CACNA1E: variants seen among roughly 807,000 people sequenced by gnomAD.
The protein encoded by CACNA1E is calcium voltage-gated channel subunit alpha1 E.
Under a neutral mutation model 259.2 loss-of-function variants are expected in CACNA1E, and 40 were observed. That is an observed-to-expected ratio of 0.15 (90% CI 0.12 to 0.20). The LOEUF is 0.20. Among genes scored for constraint, CACNA1E ranks in the 10% least tolerant of loss-of-function variants. The pLI is 1.00. For missense variants in CACNA1E, 1,874 were observed against 3,040.1 expected (o/e 0.62, Z 9.02); for synonymous variants, 1,104 against 1,138.5 (o/e 0.97, Z 0.61).
At chr1:181,357,957 T>C (rs1367371685) in intron 1 of CACNA1E, among the ~76,000 whole-genome samples, 1 of 152,186 alleles carries the variant, frequency 6.6e-6, no homozygotes, top group Non-Finnish European at 1.5e-5. Context: ...GAGCCTTTCA[T>C]GACATTTGCC....
chr1:181,344,138 C>T (rs1652405118), intron 1 of CACNA1E, among the ~76,000 whole-genome samples: 1 of 152,184 alleles, frequency 6.6e-6, no homozygotes, highest in South Asian at 2.1e-4. Flanking sequence ...CCCCACTGCT[C>T]TGGAAGAATC....
intron 3 of CACNA1E, among the ~76,000 whole-genome samples, chr1:181,522,140 G>A (rs1487874703): frequency 6.6e-6 from 1 of 152,164 alleles, no homozygotes; most frequent in Non-Finnish European, 1.5e-5. Flanking sequence ...AGGGAAATAG[G>A]ATTAAAGTCC....
intron 1 of CACNA1E, among the ~76,000 whole-genome samples, chr1:181,353,523 T>C (rs1036294032): frequency 6.6e-6 from 1 of 151,866 alleles, no homozygotes; most frequent in African/African-American, 2.4e-5. Context: ...GACAAGCTCT[T>C]GAGAGAGAGA....
At chr1:181,559,151 G>C (rs1040368115) in intron 3 of CACNA1E, among the ~76,000 whole-genome samples, 2 of 152,202 alleles carry the variant, frequency 1.3e-5, no homozygotes, top group Non-Finnish European at 2.9e-5. Context: ...GCCTGGGAGA[G>C]GTTTGTTCCT....
intron 1 of CACNA1E, among the ~76,000 whole-genome samples, chr1:181,324,144 G>C (rs1650587565): frequency 6.6e-6 from 1 of 152,200 alleles, no homozygotes; most frequent in South Asian, 2.1e-4. Flanking sequence ...GCCAGGCACT[G>C]ACTAGGATAC....
At chr1:181,615,303 T>C (rs566582679) in intron 6 of CACNA1E, among the ~76,000 whole-genome samples, 2 of 152,256 alleles carry the variant, frequency 1.3e-5, no homozygotes, top group South Asian at 4.1e-4. Flanking sequence ...CAATTCTCTG[T>C]CTCAGCCTCT....
chr1:181,798,792 C>T lies in CACNA1E; in HGVS notation c.6900C>T (p.Val2300=), dbSNP rs1348704758. 2 of 1,552,606 alleles carry T rather than the reference C, an allele frequency of 1.3e-6. No homozygotes were observed. The highest frequency in any genetic ancestry group is 1.7e-6 in the Non-Finnish European group (2 of 1,149,098). ...GPGPGMMCGA[V]NNLLSDTEED... ...GGCCAGGCATGATGTGTGGGGCTGT[C>T]AACAACCTGCTAAGTGACACGGAAG... is the stretch of plus-strand genomic sequence containing the variant. The change falls in exon 48 of 48, where the codon GTC becomes GTT. Residue 2300 remains valine, a synonymous_variant. Coordinates refer to ENST00000367573, the MANE Select transcript of CACNA1E (RefSeq NM_001205293.3). This position sits in a 1 kb window ranked among gnomAD's most constrained non-coding sequence, Gnocchi z 4.2.
At chr1:181,439,827 T>C (rs1275285824) in intron 2 of CACNA1E, among the ~76,000 whole-genome samples, 1 of 152,146 alleles carries the variant, frequency 6.6e-6, no homozygotes, top group Non-Finnish European at 1.5e-5. Flanking sequence ...GGCAGCATCT[T>C]TTCTACTTAA....
intron 6 of CACNA1E, among the ~76,000 whole-genome samples, chr1:181,583,774 G>A (rs1184743351): frequency 6.6e-6 from 1 of 152,044 alleles, no homozygotes; most frequent in African/African-American, 2.4e-5. Flanking sequence ...CTATCCAAAT[G>A]TCAACTGCTT....
Position 181,772,297 on chromosome 1 carries a change from C to A in CACNA1E, c.5139+66C>A, listed in dbSNP as rs73045154. 17,147 of 1,493,434 alleles carry A rather than the reference C, an allele frequency of 0.011. 324 individuals are homozygous for A. Among genetic ancestry groups the A allele is most frequent in the African/African-American group, 0.083 (6,010 of 72,488 alleles). 92.5% of individuals were successfully genotyped at this position (1,493,434 alleles called of 1,614,324 possible). The stretch of plus-strand genomic sequence containing the variant: ...CCATCCTACCCCTAACCCTCTGATA[C>A]ATAGACCGGAGATGTTTGCTTCAGT... On this transcript the variant is annotated intron_variant, in intron 37 of 47. Coordinates refer to ENST00000367573, the MANE Select transcript of CACNA1E (RefSeq NM_001205293.3).
chr1:181,679,500 G>T (rs1649714296), intron 7 of CACNA1E, among the ~76,000 whole-genome samples: 1 of 152,202 alleles, frequency 6.6e-6, no homozygotes, highest in African/African-American at 2.4e-5. Context: ...GGCAGATAAG[G>T]ACATAATGCC....
chr1:181,416,315 C>T (rs1330347174), intron 2 of CACNA1E, among the ~76,000 whole-genome samples: 1 of 152,214 alleles, frequency 6.6e-6, no homozygotes, highest in African/African-American at 2.4e-5. Context: ...GGAATTTCAG[C>T]ATTTCTGCAA....
At chr1:181,335,159 A>C (rs916888399) in intron 1 of CACNA1E, among the ~76,000 whole-genome samples, 1 of 152,140 alleles carries the variant, frequency 6.6e-6, no homozygotes, top group Non-Finnish European at 1.5e-5. Flanking sequence ...TGCTATTCCT[A>C]CCAACCCTGC....
At chr1:181,731,661 C>A (rs1655492311) in intron 19 of CACNA1E, among the ~76,000 whole-genome samples, 1 of 152,118 alleles carries the variant, frequency 6.6e-6, no homozygotes, top group Admixed American at 6.5e-5. Flanking sequence ...AGCGAGCCCT[C>A]TCCCATGTGC....
Position 181,701,546 on chromosome 1 carries a change from G to C in CACNA1E, c.1056-9408G>C, listed in dbSNP as rs149310366. Among the ~76,000 whole-genome samples the C allele has an allele frequency of 8.5e-5, 13 of 152,320 alleles. No individual in the cohort carries two copies. The East Asian group carries it at 2.5e-3, about 29-fold the overall frequency. ...ATGTACACCTCTGAGTTCATGCCTT[G>C]ATAGTATCTGTGTGCTACAATGAGG... On this transcript the variant is annotated intron_variant, in intron 7 of 47. Transcript: ENST00000367573.
chr1:181,448,105 G>A (rs750747636), intron 2 of CACNA1E, among the ~76,000 whole-genome samples: 12 of 152,200 alleles, frequency 7.9e-5, no homozygotes, highest in African/African-American at 2.7e-4. Context: ...CTTAGTTCCC[G>A]TAATTTACAG....
chr1:181,703,077 T>G (rs1328634945), intron 7 of CACNA1E, among the ~76,000 whole-genome samples: 1 of 152,170 alleles, frequency 6.6e-6, no homozygotes, highest in East Asian at 1.9e-4. Flanking sequence ...AGATTACAGG[T>G]GCATACCAGC....
At chr1:181,604,221 C>G (rs899943956) in intron 6 of CACNA1E, among the ~76,000 whole-genome samples, 1 of 152,232 alleles carries the variant, frequency 6.6e-6, no homozygotes, top group African/African-American at 2.4e-5. Flanking sequence ...TTGTCTCAGA[C>G]TGGGGTCCCA....
intron 1 of CACNA1E, among the ~76,000 whole-genome samples, chr1:181,494,615 C>T (rs533087998): frequency 1.1e-4 from 17 of 152,256 alleles, no homozygotes; most frequent in Non-Finnish European, 1.6e-4. Flanking sequence ...AGTGTATTAT[C>T]CACATTTTAA....
Sources: gnomAD v4.1 joint callset for allele counts (sites outside exome capture counted in the v4.1 genomes callset) on GRCh38, gnomAD v4.1.1 for gene constraint, Gnocchi (gnomAD v3.1) non-coding constraint, MANE v1.5 for transcripts, NCBI Gene and HGNC (gene_info 2026-07-23, HGNC 2026-07-21) for gene names.